PNKD: variants seen among roughly 807,000 people sequenced by gnomAD.
PNKD encodes the protein probable thioesterase PNKD.
Under a neutral mutation model 45.3 loss-of-function variants are expected in PNKD, and 36 were observed. That is an observed-to-expected ratio of 0.80 (90% CI 0.61 to 1.05). The LOEUF (loss-of-function observed/expected upper bound fraction) is 1.05, where lower values mean the gene tolerates loss of function less well. Among genes scored for constraint, PNKD ranks in the 50% least tolerant of loss-of-function variants. The pLI is 0.00. For missense variants in PNKD, 511 were observed against 506.6 expected (o/e 1.01, Z -0.08); for synonymous variants, 197 against 210.1 (o/e 0.94, Z 0.54).
chr2:218,314,220 GGC>G (rs1693701084), intron 2 of PNKD, among the ~76,000 whole-genome samples: 3 of 70,988 alleles, frequency 4.2e-5, no homozygotes, highest in African/African-American at 2.4e-4. Context: ...ACCGCGCCCT[GGC>G]TTTTTTTTTT....
chr2:218,295,619 T>G (rs1693123159), intron 2 of PNKD, among the ~76,000 whole-genome samples: 3 of 145,490 alleles, frequency 2.1e-5, no homozygotes, highest in African/African-American at 2.6e-5. Flanking sequence ...GGATGGGGGG[T>G]GGAGGGTGCA....
chr2:218,314,835 G>A (rs1042773550), intron 2 of PNKD, among the ~76,000 whole-genome samples: 3 of 151,814 alleles, frequency 2.0e-5, no homozygotes, highest in Admixed American at 1.3e-4. Context: ...GATTACAGAC[G>A]CCTGCCACCA....
intron 2 of PNKD, chr2:218,286,560 T>A (rs1331989431): frequency 6.6e-6 from 1 of 152,164 alleles, no homozygotes; most frequent in Non-Finnish European, 1.5e-5. Flanking sequence ...GCGGCACAAG[T>A]GGGTGAGCTC....
chr2:218,323,152 G>A (rs1324217585), intron 2 of PNKD: 7 of 1,340,844 alleles, frequency 5.2e-6, no homozygotes, highest in Non-Finnish European at 6.7e-6. Flanking sequence ...GGGCGGGGCG[G>A]GGCCACAACG....
chr2:218,319,500 T>C (rs1693925496), intron 2 of PNKD, among the ~76,000 whole-genome samples: 1 of 148,930 alleles, frequency 6.7e-6, no homozygotes, highest in Non-Finnish European at 1.5e-5. Context: ...CTCAGCCTCC[T>C]GAGTAGCTGG....
intron 2 of PNKD, chr2:218,278,510 C>T: frequency 6.2e-7 from 1 of 1,614,136 alleles, no homozygotes; most frequent in African/African-American, 1.3e-5. Context: ...GTCTCTGGGA[C>T]TCACCTGGGT....
intron 2 of PNKD, among the ~76,000 whole-genome samples, chr2:218,321,577 C>CGTG (rs1195973136): frequency 6.6e-6 from 1 of 151,918 alleles, no homozygotes; most frequent in Non-Finnish European, 1.5e-5. Context: ...TATCCCTCAC[C>CGTG]CATCTCCCTC....
intron 2 of PNKD, among the ~76,000 whole-genome samples, chr2:218,298,093 G>A (rs1382127144): frequency 6.6e-6 from 1 of 152,112 alleles, no homozygotes; most frequent in Non-Finnish European, 1.5e-5. Context: ...TAGGTGAAAG[G>A]CAGTGAGAAA....
At chr2:218,325,850 T>C (rs916968019) in intron 2 of PNKD, among the ~76,000 whole-genome samples, 2 of 152,150 alleles carry the variant, frequency 1.3e-5, no homozygotes, top group African/African-American at 4.8e-5. Context: ...GATTTCAAAG[T>C]TGCTTTGGAA....
rs189193928 is a variant in PNKD, at chr2:218,336,170, G to A, written c.237-3613G>A. Among the ~76,000 whole-genome samples the A allele has an allele frequency of 8.9e-3, 1,157 of 130,710 alleles. 15 individuals carry two copies. The highest frequency in any genetic ancestry group is 0.031 in the African/African-American group (1,076 of 34,312). The allele number at this position is 130,710 out of a possible 152,430, so 85.8% of individuals were successfully genotyped here. ...GCAGAGGTTGCAGTGAGCCAAGATCGTGCCACTGCACTCCAGCACGGTGAC... is the reference window on the plus strand; with the variant it reads ...GCAGAGGTTGCAGTGAGCCAAGATCATGCCACTGCACTCCAGCACGGTGAC... On this transcript the variant is annotated intron_variant, in intron 2 of 9. Coordinates refer to ENST00000273077, the MANE Select transcript of PNKD (RefSeq NM_015488.5).
chr2:218,322,948 C>T (rs1166705670), intron 2 of PNKD, among the ~76,000 whole-genome samples: 2 of 151,842 alleles, frequency 1.3e-5, no homozygotes, highest in Non-Finnish European at 2.9e-5. Flanking sequence ...GCGGGCGGGG[C>T]GAACTGCGAG....
At chr2:218,281,877 G>T in intron 2 of PNKD, 1 of 1,294,984 alleles carries the variant, frequency 7.7e-7, no homozygotes, top group Non-Finnish European at 1.1e-6. Context: ...AGGAGGCGGT[G>T]GCCTCATCTG....
At chr2:218,335,506 G>C (rs1305971008) in intron 2 of PNKD, among the ~76,000 whole-genome samples, 1 of 151,936 alleles carries the variant, frequency 6.6e-6, no homozygotes, top group Non-Finnish European at 1.5e-5. Context: ...TAATTGTCCT[G>C]TCTGTCCTAC....
At chr2:218,327,444 C>T (rs1197102484) in intron 2 of PNKD, among the ~76,000 whole-genome samples, 2 of 152,092 alleles carry the variant, frequency 1.3e-5, no homozygotes, top group African/African-American at 4.8e-5. Flanking sequence ...AGGAGGGGAG[C>T]AGGATCCTTT....
chr2:218,271,973 G>T (rs1690854084), intron 2 of PNKD, among the ~76,000 whole-genome samples: 1 of 152,234 alleles, frequency 6.6e-6, no homozygotes, highest in Non-Finnish European at 1.5e-5. Flanking sequence ...AAAGGAGGAA[G>T]AAATCAACAT....
rs199572198 is a variant in PNKD, at chr2:218,339,896, A to G, written c.350A>G (p.Asn117Ser). The G allele has an allele frequency of 2.6e-4, 418 of 1,604,394 alleles. 1 individual carries two copies. The Admixed American group carries it at 3.9e-3, about 15-fold the overall frequency. Residue 117 changes from asparagine to serine, a missense_variant and splice_region_variant, in exon 3 of 10, where the codon AAT becomes AGT. Coordinates refer to ENST00000273077, the MANE Select transcript of PNKD (RefSeq NM_015488.5). ...GHSKTQPRLF[N>S]GVKVLPIPVL... ...TCGAAAACCCAGCCCCGCCTCTTCA[A>G]TGGTGAGCTCTGACTGCCCCGGCCA...
rs993541728 is a variant in PNKD, at chr2:218,340,883, C to G, written c.524+97C>G. ...CGGCCGGGGCCAGAGATCAAGAAGTCAGTACGGGCCGGCACCCGCCTTCCT... is the reference window on the plus strand; with the variant it reads ...CGGCCGGGGCCAGAGATCAAGAAGTGAGTACGGGCCGGCACCCGCCTTCCT... On this transcript the variant is annotated intron_variant, in intron 5 of 9. Coordinates refer to ENST00000273077, the MANE Select transcript of PNKD (RefSeq NM_015488.5). The surrounding 1 kb of genome is among the most constrained non-coding windows in gnomAD (Gnocchi z 4.2). 9.9e-7 allele frequency: 1 copy of G among 1,010,890 alleles called. No individual in the cohort carries two copies. The highest frequency in any genetic ancestry group is 1.6e-5 in the African/African-American group (1 of 63,330). The allele number at this position is 1,010,890 out of a possible 1,614,324, so 62.6% of individuals were successfully genotyped here.
At chr2:218,324,639 T>C (rs1035608251) in intron 2 of PNKD, among the ~76,000 whole-genome samples, 10 of 151,930 alleles carry the variant, frequency 6.6e-5, no homozygotes, top group African/African-American at 1.9e-4. Flanking sequence ...AATAATGAGA[T>C]TGAAAAATAT....
At chr2:218,323,301 T>C in intron 2 of PNKD, 5 of 1,551,336 alleles carry the variant, frequency 3.2e-6, no homozygotes, top group Non-Finnish European at 4.3e-6. Flanking sequence ...GGCGTGGCAG[T>C]GGGTCGCCGG....
Sources: gnomAD v4.1 joint callset for allele counts (sites outside exome capture counted in the v4.1 genomes callset) on GRCh38, gnomAD v4.1.1 for gene constraint, Gnocchi (gnomAD v3.1) non-coding constraint, MANE v1.5 for transcripts, NCBI Gene and HGNC (gene_info 2026-07-23, HGNC 2026-07-21) for gene names.